Variants in NEK5 observed in about 807,000 individuals in gnomAD.
The protein encoded by NEK5 is serine/threonine-protein kinase Nek5.
A neutral mutation model predicts 109.2 loss-of-function variants in NEK5; 88 were observed. That is an observed-to-expected ratio of 0.81 (90% CI 0.68 to 0.96). The LOEUF (loss-of-function observed/expected upper bound fraction) is 0.96, where lower values mean the gene tolerates loss of function less well. Among genes scored for constraint, NEK5 ranks in the 40% least tolerant of loss-of-function variants. The pLI, the probability that NEK5 is intolerant of heterozygous loss-of-function variation, is 0.00. For synonymous variants in NEK5, 283 were observed against 299.9 expected, an observed-to-expected ratio of 0.94 and a Z score of 0.58; for missense variants, 834 against 920.7, an observed-to-expected ratio of 0.91 and a Z score of 1.22.
chr13:52,119,778 C>A (rs1312434518), intron 3 of NEK5, among the ~76,000 whole-genome samples: 1 of 152,082 alleles, frequency 6.6e-6, no homozygotes, highest in Non-Finnish European at 1.5e-5. Flanking sequence ...GCAATCACTG[C>A]TGAGAAGAAA....
chr13:52,065,145 AT>A, intron 21 of NEK5: 1 of 369,574 alleles, frequency 2.7e-6, no homozygotes, highest in East Asian at 4.5e-5. Flanking sequence ...AAAAAAAAAA[AT>A]GACCCTATGA....
chr13:52,111,942 A>C (rs1955766769), intron 5 of NEK5, among the ~76,000 whole-genome samples: 1 of 152,214 alleles, frequency 6.6e-6, no homozygotes, highest in African/African-American at 2.4e-5. Context: ...AATATGTTAC[A>C]TGTTAAATGG....
rs564638491 is a variant in NEK5 at position 52,089,463 on chromosome 13, C to A, written c.1209-150G>T. The A allele has an allele frequency of 1.4e-5, 8 of 579,500 alleles. No individual in the cohort carries two copies. In the South Asian group the frequency reaches 1.9e-4, roughly 14 times the overall value. 35.9% of individuals were successfully genotyped at this position (579,500 alleles called of 1,614,324 possible). On this transcript the variant is annotated intron_variant, in intron 13 of 23. Transcript: ENST00000684899. Reference sequence around the variant, plus strand: ...AAGAAGTAGTTCACAGTTACAGAATCTTTACATTGGAAAAGAAAATTTTGG... The same window carrying A: ...AAGAAGTAGTTCACAGTTACAGAATATTTACATTGGAAAAGAAAATTTTGG...
At chr13:52,050,720 CTTTTT>C (rs772811272) in intron 22 of NEK5, among the ~76,000 whole-genome samples, 134 of 99,916 alleles carry the variant, frequency 1.3e-3, no homozygotes, top group East Asian at 0.012. Context: ...TTGTTTTTTT[CTTTTT>C]TTTTTTTTTT....
At position 52,033,782 on chromosome 13, in the gene NEK5, T is replaced by C. The variant is rs903887688; in HGVS notation, c.*3166A>G. On this transcript the variant is annotated 3_prime_UTR_variant, in exon 24 of 24. Coordinates refer to ENST00000684899, the MANE Select transcript of NEK5 (RefSeq NM_001365552.1). The stretch of plus-strand genomic sequence containing the variant: ...TTCAGAATACTTGTGTTTATGTAAA[T>C]ATACCCCAGAGTCCAAAACTCTGAT... The C allele has an allele frequency of 6.6e-6, 1 of 152,226 alleles. No homozygotes were observed. The highest frequency in any genetic ancestry group is 2.4e-5 in the African/African-American group (1 of 41,452). The allele number at this position is 152,226 out of a possible 1,614,324, so 9.4% of individuals were successfully genotyped here.
chr13:52,107,253 A>G (rs535551698), intron 8 of NEK5, among the ~76,000 whole-genome samples: 7 of 103,774 alleles, frequency 6.7e-5, no homozygotes, highest in Admixed American at 6.4e-4. Context: ...CCTCCATCAC[A>G]ACTGTTTCTA....
chr13:52,061,898 A>C lies in NEK5; in HGVS notation c.2031T>G (p.His677Gln). 1 of 982,812 alleles carries C rather than the reference A, an allele frequency of 1.0e-6. No homozygotes were observed. The highest frequency in any genetic ancestry group is 1.2e-6 in the Non-Finnish European group (1 of 827,082). The allele number at this position is 982,812 out of a possible 1,614,324, so 60.9% of individuals were successfully genotyped here. Residue 677 changes from histidine to glutamine, a missense_variant, in exon 22 of 24, where the codon CAT becomes CAG. Transcript: ENST00000684899. ...CACTCATTAAAGTTCCTGGAGCTTC[A>C]TGCCGCCACTGTTTCCTGTTTCCTG... ...GIPGNRKQWR[H>Q]EAPGTLMSVL...
intron 9 of NEK5, among the ~76,000 whole-genome samples, chr13:52,103,504 G>C (rs982139711): frequency 6.6e-6 from 1 of 152,190 alleles, no homozygotes; most frequent in African/African-American, 2.4e-5. Context: ...TAACAATGAT[G>C]ACAGCTGTGG....
chr13:52,108,029 T>C (rs1342886737), intron 8 of NEK5, among the ~76,000 whole-genome samples: 1 of 152,108 alleles, frequency 6.6e-6, no homozygotes, highest in Non-Finnish European at 1.5e-5. Context: ...TCTGAAAAAC[T>C]TTGTAATTTT....
At chr13:52,064,703 T>G (rs1954659059) in intron 21 of NEK5, 1 of 243,380 alleles carries the variant, frequency 4.1e-6, no homozygotes, top group African/African-American at 2.4e-5. Context: ...GGGAAAAGAT[T>G]GAGAAATCGG....
At chr13:52,075,169 C>G (rs973670803) in intron 19 of NEK5, among the ~76,000 whole-genome samples, 1 of 152,208 alleles carries the variant, frequency 6.6e-6, no homozygotes, top group East Asian at 1.9e-4. Flanking sequence ...GACACATATA[C>G]TCACATGTTC....
chr13:52,057,751 AC>A (rs1346055047), intron 22 of NEK5, among the ~76,000 whole-genome samples: 2 of 151,894 alleles, frequency 1.3e-5, no homozygotes, highest in African/African-American at 2.4e-5. Context: ...AAATTCAACA[AC>A]CCTTCATGCT....
At chr13:52,099,705 T>C (rs201057436) in intron 12 of NEK5, 38 bp downstream of exon 12, 9 of 1,600,948 alleles carry the variant, frequency 5.6e-6, no homozygotes, top group Admixed American at 5.2e-5. Flanking sequence ...GCATATACCA[T>C]AGCTAAAAAA....
Position 52,086,302 on chromosome 13 carries a change from C to T in NEK5, c.1454G>A (p.Arg485Lys). The change falls in exon 16 of 24, where the codon AGA (arginine) becomes AAA (lysine). Residue 485 changes from arginine (R) to lysine (K), a missense_variant. Transcript: ENST00000684899. ...QQYHNDMKEI[R>K]KKMGREPEEN... ...CTCTGGTTCTCTCCCCATCTTCTTT[C>T]TAATTTCTTTCATGTCATTGTGGTA... The T allele has an allele frequency of 6.2e-7, 1 of 1,611,382 alleles. No homozygotes were observed. Among genetic ancestry groups the T allele is most frequent in the Admixed American group, 1.7e-5 (1 of 59,976 alleles).
rs1052432110 is a variant in NEK5 at position 52,034,271 on chromosome 13, T to C, written c.*2677A>G. 7 of 152,232 alleles carry C rather than the reference T, an allele frequency of 4.6e-5. No individual in the cohort carries two copies. Among genetic ancestry groups the C allele is most frequent in the African/African-American group, 1.7e-4 (7 of 41,464 alleles). The allele number at this position is 152,232 out of a possible 1,614,324, so 9.4% of individuals were successfully genotyped here. A position where few individuals can be genotyped will look rare whatever the true frequency, so the allele number is the denominator to read the frequency against. On this transcript the variant is annotated 3_prime_UTR_variant, in exon 24 of 24. Coordinates refer to ENST00000684899, the MANE Select transcript of NEK5 (RefSeq NM_001365552.1). ...AGCCAGAGTAAAGTAATCAGAGCCA[T>C]GCCTCAGGAACACGATTTAGCTAAT... is the stretch of plus-strand genomic sequence containing the variant.
At chr13:52,091,149 G>A (rs1955275455) in intron 13 of NEK5, among the ~76,000 whole-genome samples, 1 of 152,188 alleles carries the variant, frequency 6.6e-6, no homozygotes, top group African/African-American at 2.4e-5. Context: ...GGGCATCCAG[G>A]AAAGAGAAGG....
At chr13:52,098,140 C>G (rs377413314) in intron 12 of NEK5, among the ~76,000 whole-genome samples, 3 of 152,196 alleles carry the variant, frequency 2.0e-5, no homozygotes, top group African/African-American at 7.2e-5. Flanking sequence ...TTGTCTTTAT[C>G]AACTACCCAG....
intron 14 of NEK5, among the ~76,000 whole-genome samples, chr13:52,087,846 C>T (rs1955185317): frequency 6.6e-6 from 1 of 151,736 alleles, no homozygotes; most frequent in African/African-American, 2.4e-5. Context: ...AGGATGGTCT[C>T]AATCTCCTGA....
chr13:52,056,261 T>G (rs559743344), intron 22 of NEK5, among the ~76,000 whole-genome samples: 7 of 151,944 alleles, frequency 4.6e-5, no homozygotes, highest in Admixed American at 6.6e-5. Flanking sequence ...CCTAAATATA[T>G]ATGCACCCAA....
Sources: allele counts gnomAD v4.1 joint callset (sites outside exome capture counted in the v4.1 genomes callset), GRCh38; gene constraint gnomAD v4.1.1; transcripts MANE v1.5; gene names NCBI Gene and HGNC (gene_info 2026-07-23, HGNC 2026-07-21).